Variants in FMNL2 observed in about 807,000 individuals in gnomAD.
FMNL2 encodes formin like 2.
FMNL2 carries 51 observed loss-of-function variants against 130.2 expected under a neutral mutation model. The ratio of observed to expected loss-of-function variants is 0.39; its 90% CI spans 0.31 to 0.49. The LOEUF (loss-of-function observed/expected upper bound fraction) is 0.49, where lower values mean the gene tolerates loss of function less well. Among genes scored for constraint, FMNL2 ranks in the 20% least tolerant of loss-of-function variants. The pLI is 0.85. For synonymous variants in FMNL2, 465 were observed against 467.1 expected, an observed-to-expected ratio of 1.00 and a Z score of 0.06; for missense variants, 977 against 1,316.2, an observed-to-expected ratio of 0.74 and a Z score of 3.99.
chr2:152,513,575 A>G (rs937308037), intron 1 of FMNL2, among the ~76,000 whole-genome samples: 2 of 152,188 alleles, frequency 1.3e-5, no homozygotes, highest in Non-Finnish European at 2.9e-5. Context: ...ATGTATCACA[A>G]GCTTCTCTTG....
At chr2:152,356,892 G>T (rs1421003724) in intron 1 of FMNL2, among the ~76,000 whole-genome samples, 1 of 151,136 alleles carries the variant, frequency 6.6e-6, no homozygotes, top group African/African-American at 2.4e-5. Context: ...AATTTAGAGA[G>T]CTGTTGGCTG....
chr2:152,438,088 G>A (rs1371083770), intron 1 of FMNL2, among the ~76,000 whole-genome samples: 1 of 152,194 alleles, frequency 6.6e-6, no homozygotes, highest in African/African-American at 2.4e-5. Context: ...AAATGATGAG[G>A]CAGAATGCCC....
At chr2:152,607,016 T>TTTTTTTTTTTTTG (rs1559003213) in intron 9 of FMNL2, among the ~76,000 whole-genome samples, 1 of 141,376 alleles carries the variant, frequency 7.1e-6, no homozygotes. Context: ...GTTTTTTTTT[T>TTTTTTTTTTTTTG]TTTTTTTTAC....
chr2:152,496,399 G>A (rs1691521267), intron 1 of FMNL2, among the ~76,000 whole-genome samples: 1 of 152,148 alleles, frequency 6.6e-6, no homozygotes, highest in South Asian at 2.1e-4. Flanking sequence ...GTATCTGCAT[G>A]TCTCGTTACT....
chr2:152,390,343 T>C (rs578260509), intron 1 of FMNL2: 4 of 1,148,462 alleles, frequency 3.5e-6, no homozygotes, highest in African/African-American at 1.5e-5. Flanking sequence ...TCGTGGCTCA[T>C]TGAGGATGGC....
chr2:152,401,603 G>GT (rs1474261908), intron 1 of FMNL2, among the ~76,000 whole-genome samples: 1 of 152,216 alleles, frequency 6.6e-6, no homozygotes, highest in African/African-American at 2.4e-5. Flanking sequence ...GGCATTCACA[G>GT]TTTCATTTGA....
intron 6 of FMNL2, among the ~76,000 whole-genome samples, chr2:152,567,586 A>C (rs538420155): frequency 2.0e-5 from 3 of 152,142 alleles, no homozygotes; most frequent in African/African-American, 7.2e-5. Flanking sequence ...AGTTTAATTG[A>C]TAGAAAAAAT....
At chr2:152,517,563 T>TG (rs1396938653) in intron 1 of FMNL2, among the ~76,000 whole-genome samples, 3 of 152,158 alleles carry the variant, frequency 2.0e-5, no homozygotes, top group East Asian at 3.9e-4. Context: ...CCTGGAGTAG[T>TG]GGGGGGAAGG....
intron 4 of FMNL2, among the ~76,000 whole-genome samples, chr2:152,556,115 G>A (rs960016524): frequency 5.3e-5 from 8 of 152,166 alleles, no homozygotes; most frequent in African/African-American, 1.9e-4. Context: ...AAAGTTCCAA[G>A]TCAAGAAGGG....
intron 9 of FMNL2, among the ~76,000 whole-genome samples, chr2:152,591,102 C>T (rs1392481374): frequency 1.4e-5 from 2 of 146,674 alleles, no homozygotes; most frequent in African/African-American, 5.0e-5. Context: ...CTCCGTCTCC[C>T]GGGTTCAAGC....
rs527782946 is a variant in FMNL2 at position 152,582,060 on chromosome 2, AC to A, written c.876+1012del. Among the ~76,000 whole-genome samples, 534 of 152,328 alleles carry A rather than the reference AC, an allele frequency of 3.5e-3. 3 individuals carry two copies. Among genetic ancestry groups the A allele is most frequent in the African/African-American group, 0.013 (520 of 41,578 alleles). ...TTGGTTCTATAAGAACATCTTTGAG[AC>A]AAATATTAATATCTTGATTTTAGCG... On this transcript the variant is annotated intron_variant, in intron 9 of 25. Coordinates refer to ENST00000288670, the MANE Select transcript of FMNL2 (RefSeq NM_052905.4).
At chr2:152,412,464 AT>A (rs1686359767) in intron 1 of FMNL2, among the ~76,000 whole-genome samples, 1 of 9,832 alleles carries the variant, frequency 1.0e-4, no homozygotes, top group African/African-American at 2.3e-4. Flanking sequence ...ATATATATAT[AT>A]ATATATATAT....
intron 1 of FMNL2, among the ~76,000 whole-genome samples, chr2:152,426,379 G>C (rs377644859): frequency 2.0e-5 from 3 of 152,188 alleles, no homozygotes; most frequent in East Asian, 1.9e-4. Context: ...ATGGCCCCTC[G>C]GTTGTGGTTG....
At chr2:152,636,818 C>T (rs1409361000) in intron 22 of FMNL2, among the ~76,000 whole-genome samples, 2 of 152,116 alleles carry the variant, frequency 1.3e-5, no homozygotes, top group Admixed American at 1.3e-4. Flanking sequence ...CCTGTCCCCT[C>T]CCCCTCCCCT....
At chr2:152,359,285 A>G (rs557471379) in intron 1 of FMNL2, among the ~76,000 whole-genome samples, 117 of 152,312 alleles carry the variant, frequency 7.7e-4, no homozygotes, top group South Asian at 2.3e-3. Flanking sequence ...ACCCAAGGAG[A>G]TAACTGTAAT....
chr2:152,351,825 A>G (rs996460568), intron 1 of FMNL2, among the ~76,000 whole-genome samples: 4 of 152,158 alleles, frequency 2.6e-5, no homozygotes, highest in African/African-American at 9.7e-5. Flanking sequence ...CAACAGTGTA[A>G]AAGCATTCCT....
intron 1 of FMNL2, among the ~76,000 whole-genome samples, chr2:152,359,416 C>G (rs1196366637): frequency 1.3e-5 from 2 of 150,790 alleles, no homozygotes. Context: ...AGTGCCCAAT[C>G]TTAATTGTTG....
chr2:152,402,053 A>G (rs1685729431), intron 1 of FMNL2, among the ~76,000 whole-genome samples: 1 of 151,878 alleles, frequency 6.6e-6, no homozygotes, highest in African/African-American at 2.4e-5. Flanking sequence ...GACTACAGGC[A>G]CATGCCACCC....
chr2:152,635,537 GTATAA>G (rs1249056476), intron 21 of FMNL2, among the ~76,000 whole-genome samples: 3 of 152,216 alleles, frequency 2.0e-5, no homozygotes, highest in African/African-American at 4.8e-5. Flanking sequence ...TTAAAATGAT[GTATAA>G]CATAACCACA....
Sources: gnomAD v4.1 joint callset for allele counts (sites outside exome capture counted in the v4.1 genomes callset) on GRCh38, gnomAD v4.1.1 for gene constraint, MANE v1.5 for transcripts, NCBI Gene and HGNC (gene_info 2026-07-23, HGNC 2026-07-21) for gene names.